The following CTNNA3 variants were observed in gnomAD, a reference collection of about 807,000 sequenced individuals.
The protein encoded by CTNNA3 is catenin alpha-3.
In CTNNA3, 76 loss-of-function variants were observed where a neutral mutation model predicts 95.7. The ratio of observed to expected loss-of-function variants is 0.79; its 90% CI spans 0.66 to 0.96. The LOEUF is 0.96. Among genes scored for constraint, CTNNA3 ranks in the 40% least tolerant of loss-of-function variants. The pLI is 0.00. For synonymous variants in CTNNA3, 431 were observed against 374.4 expected (o/e 1.15, Z -1.74); for missense variants, 1,191 against 1,089.8 (o/e 1.09, Z -1.31).
At chr10:67,627,088 T>C (rs1286695619) in intron 2 of CTNNA3, among the ~76,000 whole-genome samples, 1 of 152,186 alleles carries the variant, frequency 6.6e-6, no homozygotes, top group Non-Finnish European at 1.5e-5. Context: ...GATTTGTATA[T>C]AAACTAAAAC....
At chr10:66,260,311 A>G (rs543810701) in intron 13 of CTNNA3, among the ~76,000 whole-genome samples, 3 of 152,066 alleles carry the variant, frequency 2.0e-5, no homozygotes, top group African/African-American at 7.2e-5. Flanking sequence ...CCTCCAATCC[A>G]TTCATTCTCC....
At chr10:67,358,621 C>A (rs1437856366) in intron 5 of CTNNA3, among the ~76,000 whole-genome samples, 1 of 152,018 alleles carries the variant, frequency 6.6e-6, no homozygotes, top group Non-Finnish European at 1.5e-5. Context: ...GGATACCCTG[C>A]CCAGGTATCT....
At chr10:66,099,438 G>T (rs997701637) in intron 14 of CTNNA3, among the ~76,000 whole-genome samples, 2 of 152,082 alleles carry the variant, frequency 1.3e-5, no homozygotes, top group Admixed American at 6.6e-5. Context: ...ATTATAAGGA[G>T]TATGGAACAC....
intron 9 of CTNNA3, among the ~76,000 whole-genome samples, chr10:66,635,517 GATACAATATATT>G (rs1845303685): frequency 6.6e-6 from 1 of 152,126 alleles, no homozygotes; most frequent in South Asian, 2.1e-4. Context: ...CTTAAAGAGA[GATACAATATATT>G]AAAGCCAATA....
intron 9 of CTNNA3, among the ~76,000 whole-genome samples, chr10:66,730,844 T>G (rs1192395677): frequency 1.3e-5 from 2 of 152,190 alleles, no homozygotes; most frequent in African/African-American, 4.8e-5. Flanking sequence ...TGAATCTTAC[T>G]TTATTTGTTT....
chr10:66,720,656 A>AC (rs916348690), intron 9 of CTNNA3, among the ~76,000 whole-genome samples: 4 of 151,936 alleles, frequency 2.6e-5, no homozygotes, highest in African/African-American at 9.7e-5. Context: ...AACATGGTGA[A>AC]CCCCCATCTC....
Position 66,849,872 on chromosome 10 carries a change from A to C in CTNNA3, c.1048-74348T>G, listed in dbSNP as rs567553668. ...GAAACTAATATGACTGCTAAGATTT[A>C]TTGAATGTAGATTTTGAAATCTTTT... On this transcript the variant is annotated intron_variant, in intron 7 of 17. Coordinates refer to ENST00000433211, the MANE Select transcript of CTNNA3 (RefSeq NM_013266.4). Among the ~76,000 whole-genome samples the C allele has an allele frequency of 7.9e-5, 12 of 151,768 alleles. No individual in the cohort carries two copies. In the East Asian group the frequency reaches 2.3e-3, roughly 29 times the overall value.
intron 11 of CTNNA3, among the ~76,000 whole-genome samples, chr10:66,420,835 A>AAATAAATAAATAAATAAATTAATT (rs751801209): frequency 5.0e-3 from 464 of 93,004 alleles, no homozygotes; most frequent in African/African-American, 6.3e-3. Context: ...ATAAATAAAT[A>AAATAAATAAATAAATAAATTAATT]AATAAAAAAC....
intron 11 of CTNNA3, among the ~76,000 whole-genome samples, chr10:66,436,909 C>T (rs1159421527): frequency 6.6e-6 from 1 of 152,048 alleles, no homozygotes; most frequent in Non-Finnish European, 1.5e-5. Flanking sequence ...TCAGCATTTG[C>T]TTGTCTGTAA....
intron 3 of CTNNA3, among the ~76,000 whole-genome samples, chr10:67,572,554 G>T (rs139566589): frequency 3.6e-4 from 55 of 152,268 alleles, no homozygotes; most frequent in African/African-American, 1.3e-3. Context: ...CATACAATCA[G>T]TAAGTCTCAA....
At chr10:66,175,472 C>T (rs960657684) in intron 13 of CTNNA3, among the ~76,000 whole-genome samples, 8 of 152,242 alleles carry the variant, frequency 5.3e-5, no homozygotes, top group African/African-American at 1.9e-4. Context: ...GGGATATCAC[C>T]AAACACTGAC....
At position 67,236,839 on chromosome 10, in the gene CTNNA3, G is replaced by A. The variant is rs374090841; in HGVS notation, c.580-16969C>T. On this transcript the variant is annotated intron_variant, in intron 5 of 17. Transcript: ENST00000433211. Reference sequence around the variant, plus strand: ...AAATAAATAAAAAACAGTAGATGTTGGCATGGATGCAGTGATCAGGGAACA... The same window carrying A: ...AAATAAATAAAAAACAGTAGATGTTAGCATGGATGCAGTGATCAGGGAACA... Among the ~76,000 whole-genome samples the A allele has an allele frequency of 9.2e-5, 14 of 151,632 alleles. No individual in the cohort carries two copies. In the East Asian group the frequency reaches 2.5e-3, roughly 28 times the overall value.
intron 9 of CTNNA3, among the ~76,000 whole-genome samples, chr10:66,677,683 C>A (rs1442000236): frequency 1.3e-5 from 2 of 152,098 alleles, no homozygotes; most frequent in Admixed American, 6.6e-5. Context: ...GTAAGATGTG[C>A]TTTTGCTTCT....
At chr10:67,139,585 G>A (rs1860456415) in intron 7 of CTNNA3, among the ~76,000 whole-genome samples, 1 of 151,186 alleles carries the variant, frequency 6.6e-6, no homozygotes, top group African/African-American at 2.4e-5. Flanking sequence ...GCTAATTTTT[G>A]TATTTTTAGT....
At chr10:66,568,147 G>A (rs1243372265) in intron 10 of CTNNA3, among the ~76,000 whole-genome samples, 1 of 152,164 alleles carries the variant, frequency 6.6e-6, no homozygotes, top group Non-Finnish European at 1.5e-5. Flanking sequence ...GCATAAAGAA[G>A]ATATTAGCCA....
chr10:67,500,280 C>T (rs1839186945), intron 5 of CTNNA3, among the ~76,000 whole-genome samples: 1 of 152,190 alleles, frequency 6.6e-6, no homozygotes, highest in East Asian at 1.9e-4. Flanking sequence ...TTTGATTGCA[C>T]TATAGTCTGA....
intron 7 of CTNNA3, among the ~76,000 whole-genome samples, chr10:67,107,897 G>A (rs906656526): frequency 6.6e-6 from 1 of 152,168 alleles, no homozygotes. Context: ...CGGCCAAGCA[G>A]GAAGTGCTCT....
chr10:66,069,431 T>A lies in CTNNA3; in HGVS notation c.2036A>T (p.Asp679Val), dbSNP rs777251738. The A allele has an allele frequency of 3.1e-6, 5 of 1,613,642 alleles. No individual in the cohort carries two copies. In the Admixed American group the frequency reaches 8.3e-5, roughly 27 times the overall value. ...CAGCTTACTCTTTACTTTCTTGAAATCAGCAACTTGCTCAGCAATCTTTTC... is the reference window on the plus strand; with the variant it reads ...CAGCTTACTCTTTACTTTCTTGAAAACAGCAACTTGCTCAGCAATCTTTTC... The part of the protein sequence containing the change: ...EKEKIAEQVA[D>V]FKKVKSKLDA... Residue 679 changes from aspartate (D) to valine (V), a missense_variant, in exon 15 of 18, where the codon GAT becomes GTT. By Grantham distance (152) the Asp-to-Val change is radical. Coordinates refer to ENST00000433211, the MANE Select transcript of CTNNA3 (RefSeq NM_013266.4).
At chr10:66,503,622 C>A (rs190632317) in intron 11 of CTNNA3, among the ~76,000 whole-genome samples, 1 of 152,136 alleles carries the variant, frequency 6.6e-6, no homozygotes, top group African/African-American at 2.4e-5. Flanking sequence ...GCACATGCCA[C>A]CATGCCTGGC....
Sources: gnomAD v4.1 joint callset for allele counts (sites outside exome capture counted in the v4.1 genomes callset) on GRCh38, gnomAD v4.1.1 for gene constraint, MANE v1.5 for transcripts, NCBI Gene and HGNC (gene_info 2026-07-23, HGNC 2026-07-21) for gene names.